UBE2U: variants seen among roughly 807,000 people sequenced by gnomAD.
UBE2U encodes the protein ubiquitin conjugating enzyme E2 U.
In UBE2U, 39 loss-of-function variants were observed where a neutral mutation model predicts 41.2. That is an observed-to-expected ratio of 0.95 (90% CI 0.73 to 1.24). UBE2U has a LOEUF of 1.24. Among genes scored for constraint, UBE2U ranks in the 50% most tolerant of loss-of-function variants. The pLI is 0.00. For missense variants in UBE2U, 336 were observed against 363.1 expected, an observed-to-expected ratio of 0.93 and a Z score of 0.61; for synonymous variants, 107 against 117.8, an observed-to-expected ratio of 0.91 and a Z score of 0.60.
chr1:64,226,907 A>T (rs1253355701), intron 6 of UBE2U, among the ~76,000 whole-genome samples: 2 of 152,224 alleles, frequency 1.3e-5, no homozygotes, highest in African/African-American at 4.8e-5. Flanking sequence ...ATATTACCGA[A>T]TTGAATCCAC....
chr1:64,210,224 C>G (rs1342826725), intron 3 of UBE2U, among the ~76,000 whole-genome samples: 1 of 152,084 alleles, frequency 6.6e-6, no homozygotes, highest in Non-Finnish European at 1.5e-5. Flanking sequence ...TTATTTAACT[C>G]TATTATTTTT....
chr1:64,232,628 A>G lies in UBE2U; in HGVS notation c.574A>G (p.Thr192Ala), dbSNP rs1217612106. The G allele has an allele frequency of 1.9e-6, 3 of 1,612,902 alleles. No homozygotes were observed. The highest frequency in any genetic ancestry group is 2.5e-6 in the Non-Finnish European group (3 of 1,179,130). Residue 192 changes from threonine (T) to alanine (A), a missense_variant, in exon 7 of 10, where the codon ACA (threonine) becomes GCA (alanine). By Grantham distance (58) the Thr-to-Ala change is moderately conservative (BLOSUM62 0). Coordinates refer to ENST00000371077, the MANE Select transcript of UBE2U (RefSeq NM_001366232.2). ...TWSRIATSKATEYYRTPLLKV... is the reference protein window; with the variant it reads ...TWSRIATSKAAEYYRTPLLKV... ...GTCCAGAATAGCTACATCAAAAGCCACAGAATACTACAGAACTCCATGTAA... is the reference window on the plus strand; with the variant it reads ...GTCCAGAATAGCTACATCAAAAGCCGCAGAATACTACAGAACTCCATGTAA...
Position 64,239,123 on chromosome 1 carries a change from G to T in UBE2U, c.596-2529G>T, listed in dbSNP as rs1230568257. On this transcript the variant is annotated intron_variant, in intron 7 of 9. Coordinates refer to ENST00000371077, the MANE Select transcript of UBE2U (RefSeq NM_001366232.2). ...AGAAGAAGAAGAAGAAGAAGAAGAA[G>T]AAGAAGAAGAAGAAGAAGAAGAAGA... Among the ~76,000 whole-genome samples, 5 of 24,642 alleles carry T rather than the reference G, an allele frequency of 2.0e-4. 1 individual carries two copies. The highest frequency in any genetic ancestry group is 7.9e-4 in the African/African-American group (5 of 6,346). The allele number at this position is 24,642 out of a possible 152,430, so 16.2% of individuals were successfully genotyped here. A position where few individuals can be genotyped will look rare whatever the true frequency, so the allele number is the denominator to read the frequency against.
chr1:64,209,971 C>T (rs1651566458), intron 3 of UBE2U, among the ~76,000 whole-genome samples: 2 of 152,178 alleles, frequency 1.3e-5, no homozygotes, highest in African/African-American at 4.8e-5. Flanking sequence ...AGTGCTATCA[C>T]ATTGTCCTAG....
intron 8 of UBE2U, among the ~76,000 whole-genome samples, chr1:64,259,347 T>C (rs36155610): frequency 0.17 from 25,891 of 152,176 alleles, 2,897 homozygotes; most frequent in Non-Finnish European, 0.25. Flanking sequence ...TTTGTCAAGT[T>C]TGGCTTTTGT....
At chr1:64,239,139 A>AGG in intron 7 of UBE2U, among the ~76,000 whole-genome samples, 1 of 26,876 alleles carries the variant, frequency 3.7e-5, no homozygotes. Context: ...GAAGAAGAAG[A>AGG]AGAAGAAGAA....
intron 7 of UBE2U, among the ~76,000 whole-genome samples, chr1:64,239,062 A>AGAAGAAGAAGAGGAAGAGGAAGAG (rs1557729295): frequency 6.0e-4 from 43 of 71,276 alleles, no homozygotes; most frequent in South Asian, 1.1e-3. Flanking sequence ...AAGAAGAAGA[A>AGAAGAAGAAGAGGAAGAGGAAGAG]GAAGAGGAAG....
Position 64,220,749 on chromosome 1 carries a change from T to C in UBE2U, c.458-110T>C. 4.6e-6 allele frequency: 4 copies of C among 865,838 alleles called. No homozygotes were observed. The East Asian group carries it at 1.1e-4, about 24-fold the overall frequency. 53.6% of individuals were successfully genotyped at this position (865,838 alleles called of 1,614,324 possible). ...TTGCTCTCCTTGAGATTTTATATCTTATTTTTATTCCTTTATTACCATTTT... is the reference window on the plus strand; with the variant it reads ...TTGCTCTCCTTGAGATTTTATATCTCATTTTTATTCCTTTATTACCATTTT... On this transcript the variant is annotated intron_variant, in intron 5 of 9. Coordinates refer to ENST00000371077, the MANE Select transcript of UBE2U (RefSeq NM_001366232.2).
chr1:64,241,553 A>T, intron 7 of UBE2U, 99 bp from the exon 8 acceptor site: 1 of 809,112 alleles, frequency 1.2e-6, no homozygotes. Context: ...TTATTGCCAC[A>T]TATCAAGTTA....
chr1:64,239,139 A>AAGGAGAAGGAGAAGGAGAAGG (rs1557730519), intron 7 of UBE2U, among the ~76,000 whole-genome samples: 7 of 26,860 alleles, frequency 2.6e-4, no homozygotes, highest in African/African-American at 1.3e-3. Context: ...GAAGAAGAAG[A>AAGGAGAAGGAGAAGGAGAAGG]AGAAGAAGAA....
chr1:64,222,245 T>G (rs1367398464), intron 6 of UBE2U, among the ~76,000 whole-genome samples: 1 of 152,118 alleles, frequency 6.6e-6, no homozygotes, highest in Non-Finnish European at 1.5e-5. Context: ...TCAATGTGGT[T>G]GACCATCCTG....
rs1491486527 is a variant in UBE2U, at chr1:64,239,124, AAG to A, written c.596-2526_596-2525del. ...GAAGAAGAAGAAGAAGAAGAAGAAG[AAG>A]AAGAAGAAGAAGAAGAAGAAGAAGA... On this transcript the variant is annotated intron_variant, in intron 7 of 9. Coordinates refer to ENST00000371077, the MANE Select transcript of UBE2U (RefSeq NM_001366232.2). Among the ~76,000 whole-genome samples, 22 of 22,466 alleles carry A rather than the reference AAG, an allele frequency of 9.8e-4. 1 individual carries two copies. Among genetic ancestry groups the A allele is most frequent in the African/African-American group, 1.8e-3 (9 of 4,996 alleles). The allele number at this position is 22,466 out of a possible 152,430, so 14.7% of individuals were successfully genotyped here.
At position 64,239,097 on chromosome 1, in the gene UBE2U, AAG is replaced by A. The variant is rs1264659152; in HGVS notation, c.596-2553_596-2552del. Among the ~76,000 whole-genome samples, 28 of 6,498 alleles carry A rather than the reference AAG, an allele frequency of 4.3e-3. 1 individual carries two copies. The highest frequency in any genetic ancestry group is 0.019 in the African/African-American group (23 of 1,204). 4.3% of individuals were successfully genotyped at this position (6,498 alleles called of 152,430 possible). A position where few individuals can be genotyped will look rare whatever the true frequency, so the allele number is the denominator to read the frequency against. On this transcript the variant is annotated intron_variant, in intron 7 of 9. Transcript: ENST00000371077. ...GAGGAAGAGGAAGAGGAAGAGGAAG[AAG>A]AAGAAGAAGAAGAAGAAGAAGAAGA... is the stretch of plus-strand genomic sequence containing the variant.
chr1:64,258,746 A>G (rs960198098), intron 8 of UBE2U, among the ~76,000 whole-genome samples: 8 of 152,086 alleles, frequency 5.3e-5, no homozygotes, highest in African/African-American at 1.9e-4. Flanking sequence ...GTTGGTTCCA[A>G]GTCTTTGCTA....
chr1:64,223,024 A>G (rs1365815183), intron 6 of UBE2U, among the ~76,000 whole-genome samples: 2 of 152,202 alleles, frequency 1.3e-5, no homozygotes, highest in African/African-American at 4.8e-5. Flanking sequence ...TCTATAGGAT[A>G]CCACTTACAG....
intron 6 of UBE2U, among the ~76,000 whole-genome samples, chr1:64,231,629 T>G (rs1292373339): frequency 6.6e-6 from 1 of 152,218 alleles, no homozygotes; most frequent in African/African-American, 2.4e-5. Flanking sequence ...ATGAATGAAT[T>G]AACACATTTA....
intron 1 of UBE2U, 152 bp from the exon 2 acceptor site, chr1:64,205,487 G>T: frequency 1.6e-6 from 1 of 624,038 alleles, no homozygotes; most frequent in Non-Finnish European, 2.8e-6. Context: ...AATAAGACAT[G>T]TAACACTTCC....
chr1:64,207,527 A>G (rs912731520), intron 3 of UBE2U, among the ~76,000 whole-genome samples: 1 of 152,216 alleles, frequency 6.6e-6, no homozygotes, highest in African/African-American at 2.4e-5. Context: ...GTTCAACAAT[A>G]CACTTAACCA....
Position 64,260,711 on chromosome 1 carries a change from T to C in UBE2U, c.769+17T>C. ...CAACTCTAAGTAAATCGATTCACTCTATTTGTTTTGCTTTTATAAATAACA... is the reference window on the plus strand; with the variant it reads ...CAACTCTAAGTAAATCGATTCACTCCATTTGTTTTGCTTTTATAAATAACA... On this transcript the variant is annotated intron_variant, in intron 9 of 9. Transcript: ENST00000371077. 1 of 1,533,836 alleles carries C rather than the reference T, an allele frequency of 6.5e-7. No homozygotes were observed. The highest frequency in any genetic ancestry group is 8.8e-7 in the Non-Finnish European group (1 of 1,135,690).
Sources: allele counts gnomAD v4.1 joint callset (sites outside exome capture counted in the v4.1 genomes callset), GRCh38; gene constraint gnomAD v4.1.1; transcripts MANE v1.5; gene names NCBI Gene and HGNC (gene_info 2026-07-23, HGNC 2026-07-21).